Variants in SENP5 observed in about 807,000 individuals in gnomAD.
SENP5 encodes the protein SUMO specific peptidase 5.
In SENP5, 21 loss-of-function variants were observed where a neutral mutation model predicts 74.2. That is an observed-to-expected ratio of 0.28 (90% CI 0.20 to 0.41). SENP5 has a LOEUF of 0.41. SENP5 is among the 10% of genes least tolerant of loss of function. The pLI is 1.00. For synonymous variants in SENP5, 311 were observed against 312.7 expected (o/e 0.99, Z 0.06); for missense variants, 717 against 889.1 (o/e 0.81, Z 2.46).
In SENP5 at chr3:196,900,019, A is replaced by G. The variant is rs780382104; in HGVS notation, c.1715A>G (p.Asp572Gly). Residue 572 changes from aspartate (D) to glycine (G), a missense_variant, in exon 4 of 10, where the codon GAC (aspartate) becomes GGC (glycine). Asp to Gly is a moderately conservative substitution (Grantham distance 94, BLOSUM62 -1). Coordinates refer to ENST00000323460, the MANE Select transcript of SENP5 (RefSeq NM_152699.5). ...TATAATAAACACATGCTGGATATGG[A>G]CGACCTGGCGACTCTGGATGGTCAG... ...IFYNKHMLDM[D>G]DLATLDGQNW... 2 of 1,614,144 alleles carry G rather than the reference A, an allele frequency of 1.2e-6. No individual in the cohort carries two copies. Among genetic ancestry groups the G allele is most frequent in the South Asian group, 2.2e-5 (2 of 91,074 alleles).
At chr3:196,913,647 C>CTTTTTTTTTTT (rs1229412806) in intron 6 of SENP5, among the ~76,000 whole-genome samples, 2 of 98,090 alleles carry the variant, frequency 2.0e-5, no homozygotes, top group South Asian at 4.3e-4. Context: ...ATAAGAAAGG[C>CTTTTTTTTTTT]TTTTTTTTTT....
chr3:196,899,883 AT>A (rs1714625261), intron 3 of SENP5, 40 bp from the exon 4 acceptor site: 4 of 1,604,912 alleles, frequency 2.5e-6, no homozygotes, highest in Non-Finnish European at 2.6e-6. Flanking sequence ...AGAAGTACTC[AT>A]GTTTTTTTTA....
chr3:196,885,713 G>A lies in SENP5; in HGVS notation c.532G>A (p.Gly178Ser), dbSNP rs754557062. 1 of 1,614,122 alleles carries A rather than the reference G, an allele frequency of 6.2e-7. No individual in the cohort carries two copies. The highest frequency in any genetic ancestry group is 1.3e-5 in the African/African-American group (1 of 74,938). Residue 178 changes from glycine to serine, a missense_variant, in exon 2 of 10, where the codon GGT (glycine) becomes AGT (serine). By Grantham distance (56) the Gly-to-Ser change is moderately conservative (BLOSUM62 0). Transcript: ENST00000323460. ...MKFNGESQSP[G>S]ESGTIVVTLN... is the part of the protein sequence containing the mutation. ...GTTCAATGGGGAGAGCCAAAGTCCAGGTGAGAGTGGCACGATTGTGGTCAC... is the reference window on the plus strand; with the variant it reads ...GTTCAATGGGGAGAGCCAAAGTCCAAGTGAGAGTGGCACGATTGTGGTCAC...
In SENP5 at chr3:196,930,006, A is replaced by AC. The variant is rs1560163749; in HGVS notation, c.2157+324dup. Among the ~76,000 whole-genome samples, 25 of 149,940 alleles carry AC rather than the reference A, an allele frequency of 1.7e-4. No homozygotes were observed. The East Asian group carries it at 4.3e-3, about 26-fold the overall frequency. ...TTTGCATAAAAAAAAAAAAAAAAAAACATTGGCAAGCAATCTGCAGGTCTT... is the reference window on the plus strand; with the variant it reads ...TTTGCATAAAAAAAAAAAAAAAAAAACCATTGGCAAGCAATCTGCAGGTCTT... On this transcript the variant is annotated intron_variant, in intron 9 of 9. Coordinates refer to ENST00000323460, the MANE Select transcript of SENP5 (RefSeq NM_152699.5).
At chr3:196,922,059 A>G (rs1260581060) in intron 6 of SENP5, among the ~76,000 whole-genome samples, 1 of 152,212 alleles carries the variant, frequency 6.6e-6, no homozygotes, top group Non-Finnish European at 1.5e-5. Context: ...TTAGGATTGT[A>G]AAGGATGCAT....
intron 1 of SENP5, among the ~76,000 whole-genome samples, chr3:196,875,928 C>T (rs1713445413): frequency 6.6e-6 from 1 of 151,948 alleles, no homozygotes; most frequent in Non-Finnish European, 1.5e-5. Context: ...CCTGTGTTGC[C>T]CAGGCAGGTG....
intron 6 of SENP5, among the ~76,000 whole-genome samples, chr3:196,907,567 C>A (rs1714955466): frequency 6.6e-6 from 1 of 151,398 alleles, no homozygotes; most frequent in Admixed American, 6.6e-5. Context: ...GAATGATAAA[C>A]ATGAGAGTGA....
rs34707496 is a variant in SENP5, at chr3:196,885,322, A to G, written c.141A>G (p.Pro47=). ...LCILKAKLGR[P]VTWNRQLRHF... is the part of the protein sequence containing the mutation. ...TTCTGAAAGCTAAGCTGGGAAGGCC[A>G]GTTACTTGGAATAGACAGTTGAGAC... Residue 47 remains proline, a synonymous_variant, in exon 2 of 10, where the codon CCA becomes CCG. Transcript: ENST00000323460. 5,494 of 1,614,208 alleles carry G rather than the reference A, an allele frequency of 3.4e-3. 57 individuals are homozygous for G. Among genetic ancestry groups the G allele is most frequent in the African/African-American group, 0.032 (2,377 of 75,048 alleles).
intron 4 of SENP5, 84 bp from the exon 5 acceptor site, chr3:196,900,281 C>T: frequency 3.0e-6 from 4 of 1,321,570 alleles, no homozygotes; most frequent in South Asian, 1.3e-5. Flanking sequence ...GGTTAGTAGC[C>T]TGGTTTTATT....
intron 9 of SENP5, among the ~76,000 whole-genome samples, chr3:196,930,374 G>A (rs993893655): frequency 1.3e-5 from 2 of 152,124 alleles, no homozygotes; most frequent in Admixed American, 1.3e-4. Flanking sequence ...GGAGGGAGAG[G>A]AGATCCCAAG....
chr3:196,925,405 C>T (rs974942901), intron 7 of SENP5, among the ~76,000 whole-genome samples: 29 of 152,290 alleles, frequency 1.9e-4, no homozygotes, highest in African/African-American at 7.0e-4. Context: ...CCTTGCCTTT[C>T]TCTCAACCAA....
chr3:196,927,993 G>C (rs1253153562), intron 8 of SENP5, 114 bp downstream of exon 8: 5 of 621,972 alleles, frequency 8.0e-6, no homozygotes, highest in Admixed American at 3.0e-5. Context: ...GGAGAGCCTG[G>C]AGGCTCCAGG....
At position 196,900,385 on chromosome 3, in the gene SENP5, G is replaced by A. The variant is rs770785617; in HGVS notation, c.1779G>A (p.Glu593=). Residue 593 remains glutamate (E), a synonymous_variant, in exon 5 of 10, where the codon GAG becomes GAA. Coordinates refer to ENST00000323460, the MANE Select transcript of SENP5 (RefSeq NM_152699.5). ...TATAGGTCATTAATATGTATGGTGA[G>A]CTGATAATGGATGCAGTCCCAGACA... ...LNDQVINMYG[E]LIMDAVPDKV... The A allele has an allele frequency of 1.2e-6, 2 of 1,611,312 alleles. No individual in the cohort carries two copies. The highest frequency in any genetic ancestry group is 1.3e-5 in the African/African-American group (1 of 74,934).
At position 196,897,453 on chromosome 3, in the gene SENP5, C is replaced by T. The variant is rs142687200; in HGVS notation, c.1514-2213C>T. On this transcript the variant is annotated intron_variant, in intron 2 of 9. Coordinates refer to ENST00000323460, the MANE Select transcript of SENP5 (RefSeq NM_152699.5). ...TGCCCAAAGCCTAGAGCAGAATGGA[C>T]GTGAGAAAGGACCTCTTTTCTGTTT... 5.5e-3 allele frequency among the ~76,000 whole-genome samples: 841 copies of T among 152,278 alleles called. 5 individuals carry two copies. The highest frequency in any genetic ancestry group is 0.013 in the South Asian group (61 of 4,824).
intron 6 of SENP5, among the ~76,000 whole-genome samples, chr3:196,912,049 T>A (rs1175211007): frequency 6.6e-6 from 1 of 152,098 alleles, no homozygotes; most frequent in Admixed American, 6.6e-5. Flanking sequence ...GAACCAGAAA[T>A]ATCATTTGAC....
intron 2 of SENP5, among the ~76,000 whole-genome samples, chr3:196,889,200 A>G (rs1351833899): frequency 6.6e-6 from 1 of 151,998 alleles, no homozygotes; most frequent in African/African-American, 2.4e-5. Context: ...AATTAAAAAA[A>G]AAAACAACAC....
At chr3:196,921,610 C>T (rs1350614265) in intron 6 of SENP5, among the ~76,000 whole-genome samples, 7 of 150,344 alleles carry the variant, frequency 4.7e-5, no homozygotes, top group East Asian at 3.9e-4. Flanking sequence ...TTTAGATACT[C>T]GGAATTAAAA....
rs138124701 is a variant in SENP5 at position 196,885,583 on chromosome 3, A to G, written c.402A>G (p.Lys134=). ...KNSDHEYCRE[K]NLLKAVTDFP... ...CTGACCATGAATACTGCAGAGAGAA[A>G]AATCTCTTGAAGGCAGTTACTGACT... Residue 134 remains lysine (K), a synonymous_variant, in exon 2 of 10, where the codon AAA becomes AAG. Transcript: ENST00000323460. The G allele has an allele frequency of 5.4e-5, 87 of 1,614,048 alleles. No individual in the cohort carries two copies. The highest frequency in any genetic ancestry group is 1.1e-4 in the African/African-American group (8 of 74,938).
intron 6 of SENP5, among the ~76,000 whole-genome samples, chr3:196,909,101 A>G (rs1715019972): frequency 6.6e-6 from 1 of 152,198 alleles, no homozygotes; most frequent in South Asian, 2.1e-4. Context: ...CCACAGAAAT[A>G]TACAAATTAC....
Sources: gnomAD v4.1 joint callset for allele counts (sites outside exome capture counted in the v4.1 genomes callset) on GRCh38, gnomAD v4.1.1 for gene constraint, MANE v1.5 for transcripts, NCBI Gene and HGNC (gene_info 2026-07-23, HGNC 2026-07-21) for gene names.